COP1: variants seen among roughly 807,000 people sequenced by gnomAD.
The protein encoded by COP1 is E3 ubiquitin-protein ligase COP1.
In COP1, 24 loss-of-function variants were observed where a neutral mutation model predicts 101.3. That is an observed-to-expected ratio of 0.24 (90% CI 0.17 to 0.33). The LOEUF (loss-of-function observed/expected upper bound fraction) is 0.33. COP1 is among the 10% of genes least tolerant of loss of function. The pLI is 1.00. For synonymous variants in COP1, 347 were observed against 341.9 expected, an observed-to-expected ratio of 1.01 and a Z score of -0.17; for missense variants, 663 against 906.2, an observed-to-expected ratio of 0.73 and a Z score of 3.45.
chr1:176,179,764 A>G (rs1262025188), intron 2 of COP1, among the ~76,000 whole-genome samples: 1 of 152,016 alleles, frequency 6.6e-6, no homozygotes, highest in Non-Finnish European at 1.5e-5. Context: ...TTTTGTCAAT[A>G]TACAAGAAAT....
In COP1 at chr1:176,033,382, G is replaced by A. The variant is rs187750272; in HGVS notation, c.1613-5694C>T. On this transcript the variant is annotated intron_variant, in intron 14 of 19. Coordinates refer to ENST00000367669, the MANE Select transcript of COP1 (RefSeq NM_022457.7). ...GTGGAGGCTGCAGTGAGCTGAGATC[G>A]TGCCATTGCACTCCAGCCTGGGCAA... is the stretch of plus-strand genomic sequence containing the variant. 4.1e-4 allele frequency among the ~76,000 whole-genome samples: 63 copies of A among 152,166 alleles called. No homozygotes were observed. In the East Asian group the frequency reaches 9.3e-3, roughly 22 times the overall value.
At chr1:176,139,737 C>CTTA (rs1295523055) in intron 6 of COP1, among the ~76,000 whole-genome samples, 3 of 152,098 alleles carry the variant, frequency 2.0e-5, no homozygotes, top group Admixed American at 2.0e-4. Flanking sequence ...CATGTTCTCA[C>CTTA]TTATAAGTGG....
chr1:176,024,604 T>G (rs979919649), intron 15 of COP1, among the ~76,000 whole-genome samples: 1 of 152,208 alleles, frequency 6.6e-6, no homozygotes, highest in Non-Finnish European at 1.5e-5. Flanking sequence ...CACTTCTATT[T>G]AACATTGTAC....
At chr1:176,059,508 A>C (rs1416206271) in intron 11 of COP1, among the ~76,000 whole-genome samples, 3 of 151,698 alleles carry the variant, frequency 2.0e-5, no homozygotes, top group Non-Finnish European at 4.4e-5. Flanking sequence ...TTTGAGACAG[A>C]GTCTCACTCT....
At chr1:176,015,125 G>C (rs1665396420) in intron 15 of COP1, among the ~76,000 whole-genome samples, 1 of 152,180 alleles carries the variant, frequency 6.6e-6, no homozygotes. Flanking sequence ...GCCAGGGGAA[G>C]AATGTCTAAA....
intron 9 of COP1, among the ~76,000 whole-genome samples, chr1:176,103,870 A>G (rs146251131): frequency 6.6e-6 from 1 of 152,292 alleles, no homozygotes; most frequent in Non-Finnish European, 1.5e-5. Context: ...AATTGGTAAG[A>G]TAAAGGCAGT....
chr1:176,108,576 A>G (rs72713296), intron 9 of COP1, among the ~76,000 whole-genome samples: 13 of 152,182 alleles, frequency 8.5e-5, no homozygotes, highest in Non-Finnish European at 1.9e-4. Context: ...CCCTTCCCCA[A>G]TATGCACATG....
chr1:176,093,969 G>A (rs545224882), intron 9 of COP1, among the ~76,000 whole-genome samples: 8 of 151,818 alleles, frequency 5.3e-5, no homozygotes, highest in Admixed American at 2.6e-4. Context: ...GTTGTAGTAA[G>A]CTGAGATTGT....
chr1:175,992,300 C>G (rs778782895), intron 15 of COP1, among the ~76,000 whole-genome samples: 7 of 152,214 alleles, frequency 4.6e-5, no homozygotes, highest in Non-Finnish European at 8.8e-5. Context: ...CTCCAGTCTA[C>G]AGCTCCCAGA....
chr1:176,165,523 T>C (rs1558241305), intron 3 of COP1, among the ~76,000 whole-genome samples: 1 of 151,846 alleles, frequency 6.6e-6, no homozygotes, highest in Non-Finnish European at 1.5e-5. Context: ...GGCAAAACCC[T>C]GCCTCTACTA....
chr1:176,007,778 A>C (rs1299530598), intron 15 of COP1, among the ~76,000 whole-genome samples: 1 of 151,360 alleles, frequency 6.6e-6, no homozygotes, highest in Non-Finnish European at 1.5e-5. Flanking sequence ...AAGTCTGCAG[A>C]GGTTACTGCT....
At chr1:175,976,157 G>A (rs1435197711) in intron 18 of COP1, among the ~76,000 whole-genome samples, 1 of 151,304 alleles carries the variant, frequency 6.6e-6, no homozygotes, top group Non-Finnish European at 1.5e-5. Flanking sequence ...GAACTCTGAA[G>A]TTGCAAGGCT....
intron 18 of COP1, among the ~76,000 whole-genome samples, chr1:175,982,906 A>C (rs1010877730): frequency 1.3e-5 from 2 of 152,198 alleles, no homozygotes; most frequent in East Asian, 1.9e-4. Flanking sequence ...ATGTTGGTCC[A>C]AGGCTACAAA....
At chr1:176,181,934 C>T (rs892154930) in intron 2 of COP1, among the ~76,000 whole-genome samples, 6 of 151,980 alleles carry the variant, frequency 3.9e-5, no homozygotes, top group African/African-American at 1.4e-4. Flanking sequence ...GGATCTAAGC[C>T]TAAATTGTTT....
In COP1 at chr1:175,952,601, G is replaced by T. The variant is rs181460197; in HGVS notation, c.2134-5362C>A. 7.9e-5 allele frequency among the ~76,000 whole-genome samples: 12 copies of T among 151,930 alleles called. No individual in the cohort carries two copies. The East Asian group carries it at 2.3e-3, about 30-fold the overall frequency. On this transcript the variant is annotated intron_variant, in intron 18 of 19. Coordinates refer to ENST00000367669, the MANE Select transcript of COP1 (RefSeq NM_022457.7). ...AGGATGAAGGAATATTATACTACAT[G>T]AAAACTCTGATCTAAAAAAGGGATA...
chr1:176,108,526 CGACTA>C (rs1157332232), intron 9 of COP1, among the ~76,000 whole-genome samples: 1 of 152,050 alleles, frequency 6.6e-6, no homozygotes, highest in East Asian at 1.9e-4. Context: ...TCTTCCTGGA[CGACTA>C]TCAACTCAAC....
At chr1:175,963,386 T>G (rs1651621967) in intron 18 of COP1, among the ~76,000 whole-genome samples, 1 of 152,148 alleles carries the variant, frequency 6.6e-6, no homozygotes, top group Non-Finnish European at 1.5e-5. Flanking sequence ...GCACTTTCCC[T>G]CATCTGCGCC....
At chr1:175,975,292 C>T (rs938275353) in intron 18 of COP1, among the ~76,000 whole-genome samples, 2 of 152,126 alleles carry the variant, frequency 1.3e-5, no homozygotes, top group African/African-American at 4.8e-5. Context: ...CTCCCACCAC[C>T]ATTAGTTACA....
intron 18 of COP1, among the ~76,000 whole-genome samples, chr1:175,974,771 G>C (rs1216355380): frequency 6.6e-6 from 1 of 151,352 alleles, no homozygotes; most frequent in Admixed American, 6.6e-5. Flanking sequence ...GGTGGCTCAG[G>C]CCTGTAATCT....
Sources: allele counts gnomAD v4.1 joint callset (sites outside exome capture counted in the v4.1 genomes callset), GRCh38; gene constraint gnomAD v4.1.1; transcripts MANE v1.5; gene names NCBI Gene and HGNC (gene_info 2026-07-23, HGNC 2026-07-21).